Variants in GTSE1 observed in about 807,000 individuals in gnomAD.
GTSE1 encodes G2 and S-phase expressed 1, also known as G2 and S phase-expressed protein 1.
Under a neutral mutation model 60.5 loss-of-function variants are expected in GTSE1, and 52 were observed. The ratio of observed to expected loss-of-function variants is 0.86; its 90% CI spans 0.69 to 1.08. The LOEUF is 1.08. GTSE1 is among the 50% of genes least tolerant of loss of function. The pLI, the probability that GTSE1 is intolerant of heterozygous loss-of-function variation, is 0.00. For missense variants in GTSE1, 937 were observed against 961.8 expected (o/e 0.97, Z 0.34); for synonymous variants, 368 against 386.5 (o/e 0.95, Z 0.56).
Position 46,319,993 on chromosome 22 carries a change from A to G in GTSE1, c.1433-3197A>G, listed in dbSNP as rs989484738. ...GAACGAGACTGTCTCAAAAAAAAAA[A>G]AAAGAAAGAAAGAAAGAAAAGAAAT... On this transcript the variant is annotated intron_variant, in intron 7 of 11. Transcript: ENST00000454366. The surrounding 1 kb of genome is among the most constrained non-coding windows in gnomAD (Gnocchi z 5.0). 4.6e-5 allele frequency among the ~76,000 whole-genome samples: 7 copies of G among 150,926 alleles called. No individual in the cohort carries two copies. Among genetic ancestry groups the G allele is most frequent in the Admixed American group, 6.6e-5 (1 of 15,222 alleles).
chr22:46,321,315 G>A lies in GTSE1; in HGVS notation c.1433-1875G>A, dbSNP rs2077811307. On this transcript the variant is annotated intron_variant, in intron 7 of 11. Transcript: ENST00000454366. This position sits in a 1 kb window ranked among gnomAD's most constrained non-coding sequence, Gnocchi z 4.0. ...GCTACTTGGGAGACTGAGGCAGGAA[G>A]ATTACTTGAACCCAGGAGTTCAAGG... 6.6e-6 allele frequency among the ~76,000 whole-genome samples: 1 copy of A among 152,204 alleles called. No homozygotes were observed. The highest frequency in any genetic ancestry group is 2.4e-5 in the African/African-American group (1 of 41,460).
At chr22:46,326,693 C>G (rs888231682) in intron 9 of GTSE1, 39 bp downstream of exon 9, 3 of 1,448,500 alleles carry the variant, frequency 2.1e-6, no homozygotes, top group Admixed American at 1.8e-5. Flanking sequence ...TCTCAAATTC[C>G]TAGGCTTGCT....
chr22:46,329,931 C>A lies in GTSE1; in HGVS notation c.2137-116C>A. On this transcript the variant is annotated intron_variant, in intron 11 of 11. Transcript: ENST00000454366. This position sits in a 1 kb window ranked among gnomAD's most constrained non-coding sequence, Gnocchi z 6.4. The stretch of plus-strand genomic sequence containing the variant: ...GGCCCAGAGTGCTTTTCAGTGCACC[C>A]GAGCCAGGATGAGCGAGTGGCTGTG... The A allele has an allele frequency of 1.4e-6, 1 of 707,908 alleles. No individual in the cohort carries two copies. Among genetic ancestry groups the A allele is most frequent in the South Asian group, 1.6e-5 (1 of 63,796 alleles). 43.9% of individuals were successfully genotyped at this position (707,908 alleles called of 1,614,324 possible).
Position 46,307,135 on chromosome 22 carries a change from A to C in GTSE1, c.80-1015A>C, listed in dbSNP as rs544703759. 7.9e-5 allele frequency among the ~76,000 whole-genome samples: 12 copies of C among 152,340 alleles called. No individual in the cohort carries two copies. The South Asian group carries it at 2.5e-3, about 32-fold the overall frequency. On this transcript the variant is annotated intron_variant, in intron 2 of 11. Transcript: ENST00000454366. ...TGATCTGTTTTAGAGGGACCTGGGC[A>C]GACAGGGCCATGCCAGCTGTGATAG...
rs371896148 is a variant in GTSE1 at position 46,308,657 on chromosome 22, C to A, written c.476C>A (p.Thr159Lys). The change falls in exon 4 of 12, where the codon ACG (threonine) becomes AAG (lysine). Residue 159 changes from threonine to lysine, a missense_variant. By Grantham distance (78) the Thr-to-Lys change is moderately conservative. Transcript: ENST00000454366. ...EKEKEMKKSP[T>K]SLKRETYYLS... ...GAAAAGGAAATGAAGAAAAGCCCCACGTCTCTTAAAAGGGAGACATACTAC... is the reference window on the plus strand; with the variant it reads ...GAAAAGGAAATGAAGAAAAGCCCCAAGTCTCTTAAAAGGGAGACATACTAC... 6.2e-7 allele frequency: 1 copy of A among 1,614,000 alleles called. No individual in the cohort carries two copies. The highest frequency in any genetic ancestry group is 1.1e-5 in the South Asian group (1 of 91,092).
In GTSE1 at chr22:46,324,635, G is replaced by A. The variant is rs1449283777; in HGVS notation, c.1505+1373G>A. 6.6e-6 allele frequency among the ~76,000 whole-genome samples: 1 copy of A among 152,144 alleles called. No individual in the cohort carries two copies. Among genetic ancestry groups the A allele is most frequent in the Non-Finnish European group, 1.5e-5 (1 of 68,022 alleles). On this transcript the variant is annotated intron_variant, in intron 8 of 11. Coordinates refer to ENST00000454366, the MANE Select transcript of GTSE1 (RefSeq NM_016426.7). This position sits in a 1 kb window ranked among gnomAD's most constrained non-coding sequence, Gnocchi z 5.2. Reference sequence around the variant, plus strand: ...ACCAGCCTTGGCCTCGCAAAGTGCTGGGATTACAGGTGTGAGCCACCGCGC... The same window carrying A: ...ACCAGCCTTGGCCTCGCAAAGTGCTAGGATTACAGGTGTGAGCCACCGCGC...
Position 46,330,620 on chromosome 22 carries a change from C to G in GTSE1, c.*490C>G, listed in dbSNP as rs1222159055. On this transcript the variant is annotated 3_prime_UTR_variant, in exon 12 of 12. Transcript: ENST00000454366. This position sits in a 1 kb window ranked among gnomAD's most constrained non-coding sequence, Gnocchi z 6.0. Reference sequence around the variant, plus strand: ...CGGACCACCCAAGGCCTCTGCTTCCCGCCGCCACCCTCCTCGCTGCCATTC... The same window carrying G: ...CGGACCACCCAAGGCCTCTGCTTCCGGCCGCCACCCTCCTCGCTGCCATTC... 6.6e-6 allele frequency: 1 copy of G among 152,376 alleles called. No individual in the cohort carries two copies. The highest frequency in any genetic ancestry group is 1.9e-4 in the East Asian group (1 of 5,182). 9.4% of individuals were successfully genotyped at this position (152,376 alleles called of 1,614,324 possible).
chr22:46,303,243 A>G (rs551724773), intron 2 of GTSE1, among the ~76,000 whole-genome samples: 10 of 152,224 alleles, frequency 6.6e-5, no homozygotes, highest in Admixed American at 3.9e-4. Flanking sequence ...TGATATGCCA[A>G]GTCTTCTTTA....
intron 9 of GTSE1, among the ~76,000 whole-genome samples, chr22:46,327,488 A>G (rs897167648): frequency 6.6e-6 from 1 of 152,198 alleles, no homozygotes; most frequent in African/African-American, 2.4e-5. Context: ...CCTGGCCAAC[A>G]TGGTGAGACC....
intron 8 of GTSE1, among the ~76,000 whole-genome samples, chr22:46,326,016 C>T (rs1003454459): frequency 1.1e-4 from 17 of 152,258 alleles, no homozygotes; most frequent in African/African-American, 3.9e-4. Context: ...GACCTGCTCC[C>T]CCATTCGCTG....
In GTSE1 at chr22:46,320,362, G is replaced by A. The variant is rs977810508; in HGVS notation, c.1433-2828G>A. On this transcript the variant is annotated intron_variant, in intron 7 of 11. Coordinates refer to ENST00000454366, the MANE Select transcript of GTSE1 (RefSeq NM_016426.7). This position sits in a 1 kb window ranked among gnomAD's most constrained non-coding sequence, Gnocchi z 7.1. The stretch of plus-strand genomic sequence containing the variant: ...CTGGGAACAGGACTGTCTCTTGCAC[G>A]CCTTTGGTCATTCATCAGGGTCAAA... Among the ~76,000 whole-genome samples, 9 of 152,170 alleles carry A rather than the reference G, an allele frequency of 5.9e-5. No individual in the cohort carries two copies. The highest frequency in any genetic ancestry group is 8.8e-5 in the Non-Finnish European group (6 of 68,040).
At chr22:46,328,568 C>T in intron 9 of GTSE1, 120 bp from the exon 10 acceptor site, 2 of 712,758 alleles carry the variant, frequency 2.8e-6, no homozygotes, top group Admixed American at 2.3e-5. Context: ...GGTGAAGGCC[C>T]TAGAGCCGGG....
chr22:46,323,461 G>A (rs1442108404), intron 8 of GTSE1, among the ~76,000 whole-genome samples, 199 bp downstream of exon 8: 4 of 152,196 alleles, frequency 2.6e-5, no homozygotes, highest in Non-Finnish European at 2.9e-5. Flanking sequence ...AGACTTCCGC[G>A]ATGCAGTACG....
chr22:46,297,697 A>G lies in GTSE1; in HGVS notation c.79+218A>G, dbSNP rs2077665300. Among the ~76,000 whole-genome samples, 1 of 152,212 alleles carries G rather than the reference A, an allele frequency of 6.6e-6. No individual in the cohort carries two copies. Among genetic ancestry groups the G allele is most frequent in the South Asian group, 2.1e-4 (1 of 4,826 alleles). ...GATTCTCATCCGTTTTATTTACCGC[A>G]GTGCTCCCATGCCCTGAACAGCACC... On this transcript the variant is annotated intron_variant, in intron 2 of 11. Transcript: ENST00000454366. The surrounding 1 kb of genome is among the most constrained non-coding windows in gnomAD (Gnocchi z 4.9).
chr22:46,319,529 G>C lies in GTSE1; in HGVS notation c.1432+3117G>C, dbSNP rs1324291972. ...TGCCACTCATGTGACAGGAGGGCTG[G>C]AAGAGGCAGCGGGCAGAGTCCACGG... On this transcript the variant is annotated intron_variant, in intron 7 of 11. Transcript: ENST00000454366. This position sits in a 1 kb window ranked among gnomAD's most constrained non-coding sequence, Gnocchi z 5.0. Among the ~76,000 whole-genome samples the C allele has an allele frequency of 6.6e-6, 1 of 152,154 alleles. No individual in the cohort carries two copies. Among genetic ancestry groups the C allele is most frequent in the Non-Finnish European group, 1.5e-5 (1 of 68,018 alleles).
intron 7 of GTSE1, among the ~76,000 whole-genome samples, chr22:46,322,864 C>T (rs1287825651): frequency 6.6e-6 from 1 of 152,230 alleles, no homozygotes; most frequent in Non-Finnish European, 1.5e-5. Flanking sequence ...GTCGACTTCG[C>T]TCTGTGAAGG....
In GTSE1 at chr22:46,323,349, C is replaced by T. The variant is rs1346223895; in HGVS notation, c.1505+87C>T. The T allele has an allele frequency of 2.9e-6, 3 of 1,039,010 alleles. No individual in the cohort carries two copies. The African/African-American group carries it at 4.7e-5, about 16-fold the overall frequency. The allele number at this position is 1,039,010 out of a possible 1,614,324, so 64.4% of individuals were successfully genotyped here. Reference sequence around the variant, plus strand: ...CCTCAACCATTTGGTAACCCTGCAGCCTGGCCTGCGCATCTGGCTTCCACG... The same window carrying T: ...CCTCAACCATTTGGTAACCCTGCAGTCTGGCCTGCGCATCTGGCTTCCACG... On this transcript the variant is annotated intron_variant, in intron 8 of 11. Coordinates refer to ENST00000454366, the MANE Select transcript of GTSE1 (RefSeq NM_016426.7).
At chr22:46,302,475 T>C (rs1055592044) in intron 2 of GTSE1, among the ~76,000 whole-genome samples, 2 of 150,528 alleles carry the variant, frequency 1.3e-5, no homozygotes, top group African/African-American at 4.9e-5. Flanking sequence ...CCCAGGCTCA[T>C]GCGATCCTCC....
Position 46,309,902 on chromosome 22 carries a change from G to T in GTSE1, c.762+959G>T, listed in dbSNP as rs1256636684. Among the ~76,000 whole-genome samples the T allele has an allele frequency of 6.6e-6, 1 of 152,232 alleles. No homozygotes were observed. Among genetic ancestry groups the T allele is most frequent in the Non-Finnish European group, 1.5e-5 (1 of 68,040 alleles). On this transcript the variant is annotated intron_variant, in intron 4 of 11. Transcript: ENST00000454366. The surrounding 1 kb of genome is among the most constrained non-coding windows in gnomAD (Gnocchi z 6.2). ...GGTCCTGCTGTGTGGAGCACACGTG[G>T]ACTCGGGACAGGGATTGTGCATGTA...
Sources: allele counts gnomAD v4.1 joint callset (sites outside exome capture counted in the v4.1 genomes callset), GRCh38; gene constraint gnomAD v4.1.1; non-coding constraint Gnocchi (gnomAD v3.1); transcripts MANE v1.5; gene names NCBI Gene and HGNC (gene_info 2026-07-23, HGNC 2026-07-21).